The following MCC variants were observed in gnomAD, a reference collection of about 807,000 sequenced individuals.
The protein encoded by MCC is colorectal mutant cancer protein.
In MCC, 90 loss-of-function variants were observed where a neutral mutation model predicts 116.2. That is an observed-to-expected ratio of 0.77 (90% CI 0.65 to 0.92). The LOEUF is 0.92. Ranked by LOEUF, MCC falls within the 40% of genes least tolerant of loss-of-function variation. MCC has a pLI of 0.00. For missense variants in MCC, 1,516 were observed against 1,312.2 expected, an observed-to-expected ratio of 1.16 and a Z score of -2.40; for synonymous variants, 578 against 510.5, an observed-to-expected ratio of 1.13 and a Z score of -1.78.
intron 3 of MCC, among the ~76,000 whole-genome samples, chr5:113,209,085 G>A (rs1316582583): frequency 6.6e-6 from 1 of 152,140 alleles, no homozygotes; most frequent in South Asian, 2.1e-4. Context: ...CACAACCAGA[G>A]TCTTAACAGA....
chr5:113,140,385 C>G (rs1024461305), intron 5 of MCC, among the ~76,000 whole-genome samples: 1 of 152,206 alleles, frequency 6.6e-6, no homozygotes. Flanking sequence ...TTATTTGAAT[C>G]TACCCAAATG....
chr5:113,115,682 G>T (rs1042245337), intron 6 of MCC, among the ~76,000 whole-genome samples: 8 of 151,936 alleles, frequency 5.3e-5, no homozygotes, highest in Admixed American at 6.6e-5. Flanking sequence ...TCCGTCAGTG[G>T]TTTCTGCCAG....
rs2150439518 is a variant in MCC, at chr5:113,488,366, C to CGCT, written c.48_49insAGC (p.Gly16_Gly17insSer). Reference sequence around the variant, plus strand: ...CTGCTGCCGCTGCCGCCGCCGCCGCCGCCGCTGCTGGAGCTCCCCGCAGCC... The same window carrying CGCT: ...CTGCTGCCGCTGCCGCCGCCGCCGCCGCTGCCGCTGCTGGAGCTCCCCGCAGCC... On this transcript the variant is annotated inframe_insertion, in exon 1 of 19. Transcript: ENST00000408903. 1 of 1,520,474 alleles carries CGCT rather than the reference C, an allele frequency of 6.6e-7. No individual in the cohort carries two copies. 94.2% of individuals were successfully genotyped at this position (1,520,474 alleles called of 1,614,324 possible).
chr5:113,468,988 C>G (rs1771998765), intron 1 of MCC, among the ~76,000 whole-genome samples: 1 of 152,176 alleles, frequency 6.6e-6, no homozygotes, highest in South Asian at 2.1e-4. Flanking sequence ...TTATAGTACT[C>G]TCTGATGGTA....
intron 3 of MCC, among the ~76,000 whole-genome samples, chr5:113,221,299 A>G (rs1393819601): frequency 6.6e-6 from 1 of 152,250 alleles, no homozygotes; most frequent in Non-Finnish European, 1.5e-5. Flanking sequence ...TAACTGAGAC[A>G]GTGAAGGAGA....
chr5:113,140,297 C>T (rs571793146), intron 5 of MCC, among the ~76,000 whole-genome samples: 2 of 152,248 alleles, frequency 1.3e-5, no homozygotes, highest in South Asian at 2.1e-4. Flanking sequence ...ATAGGACTTG[C>T]TTTATTAGAT....
At chr5:113,032,879 AAC>A (rs1580881185) in intron 17 of MCC, among the ~76,000 whole-genome samples, 1 of 152,232 alleles carries the variant, frequency 6.6e-6, no homozygotes, top group Admixed American at 6.5e-5. Flanking sequence ...CCAGCGCCAC[AAC>A]AGTTTACAAA....
chr5:113,192,639 A>G (rs573582343), intron 3 of MCC, among the ~76,000 whole-genome samples: 2 of 152,238 alleles, frequency 1.3e-5, no homozygotes, highest in Non-Finnish European at 2.9e-5. Flanking sequence ...TATTATTAAA[A>G]TGGGAGTTAC....
chr5:113,214,975 T>C (rs1035565688), intron 3 of MCC, among the ~76,000 whole-genome samples: 1 of 152,180 alleles, frequency 6.6e-6, no homozygotes, highest in African/African-American at 2.4e-5. Context: ...TGCTCAACCC[T>C]GCCCTTGGGG....
chr5:113,175,944 C>T lies in MCC; in HGVS notation c.628-24522G>A, dbSNP rs139774472. 1.8e-4 allele frequency among the ~76,000 whole-genome samples: 27 copies of T among 152,130 alleles called. No homozygotes were observed. In the East Asian group the frequency reaches 5.2e-3, roughly 29 times the overall value. On this transcript the variant is annotated intron_variant, in intron 3 of 18. Transcript: ENST00000408903. Reference sequence around the variant, plus strand: ...GCCTTAAATATTCCCTTCTTTTCTGCATCCTACCCCCTATGTACTGTACCA... The same window carrying T: ...GCCTTAAATATTCCCTTCTTTTCTGTATCCTACCCCCTATGTACTGTACCA...
In MCC at chr5:113,294,182, A is replaced by T. The variant is rs1467376912; in HGVS notation, c.627+46337T>A. The T allele has an allele frequency of 2.6e-5, 26 of 993,598 alleles. No homozygotes were observed. The Admixed American group carries it at 5.6e-4, about 21-fold the overall frequency. 61.5% of individuals were successfully genotyped at this position (993,598 alleles called of 1,614,324 possible). On this transcript the variant is annotated intron_variant, in intron 3 of 18. Coordinates refer to ENST00000408903, the MANE Select transcript of MCC (RefSeq NM_001085377.2). The stretch of plus-strand genomic sequence containing the variant: ...CACTACAAGTTAAAACAAGATCCAG[A>T]AAATCTACTAATCTTCAATTGCGCT...
chr5:113,383,698 T>C (rs925275824), intron 2 of MCC, among the ~76,000 whole-genome samples: 10 of 152,114 alleles, frequency 6.6e-5, no homozygotes, highest in African/African-American at 2.4e-4. Context: ...AGAAAGTTTG[T>C]ATTTCAATAT....
rs143776601 is a variant in MCC, at chr5:113,049,146, G to A, written c.2602C>T (p.Arg868Trp). 8.4e-5 allele frequency: 136 copies of A among 1,614,096 alleles called. No homozygotes were observed. The highest frequency in any genetic ancestry group is 1.1e-4 in the Non-Finnish European group (126 of 1,180,050). The stretch of plus-strand genomic sequence containing the variant: ...CTGGTGGAGCTGAGGGATCGCATCC[G>A]CTGCTCCTTCTGCTCCTCCACCTCG... ...KSEVEEQKEQ[R>W]MRSLSSTSSG... Residue 868 changes from arginine to tryptophan, a missense_variant, in exon 16 of 19, where the codon CGG becomes TGG. Physicochemically the swap from Arg to Trp is moderately radical, Grantham distance 101 (BLOSUM62 -3). Coordinates refer to ENST00000408903, the MANE Select transcript of MCC (RefSeq NM_001085377.2).
At chr5:113,189,657 T>G (rs1452641511) in intron 3 of MCC, among the ~76,000 whole-genome samples, 1 of 152,086 alleles carries the variant, frequency 6.6e-6, no homozygotes, top group Non-Finnish European at 1.5e-5. Flanking sequence ...CGGATCAAAA[T>G]AAAAACAGAA....
At chr5:113,469,589 T>G (rs898401748) in intron 1 of MCC, among the ~76,000 whole-genome samples, 7 of 152,258 alleles carry the variant, frequency 4.6e-5, no homozygotes, top group East Asian at 3.9e-4. Flanking sequence ...TGCTGAGGAG[T>G]GCTTTACTTC....
intron 3 of MCC, among the ~76,000 whole-genome samples, chr5:113,198,511 A>T (rs73244738): frequency 0.021 from 3,198 of 150,152 alleles, 77 homozygotes; most frequent in African/African-American, 0.062. Context: ...CCTGGGTAAC[A>T]TAGTGAGACT....
At chr5:113,435,383 A>G (rs946762267) in intron 1 of MCC, among the ~76,000 whole-genome samples, 1 of 152,154 alleles carries the variant, frequency 6.6e-6, no homozygotes, top group South Asian at 2.1e-4. Context: ...CTGCATAGAA[A>G]AGGGTGGGAA....
intron 1 of MCC, among the ~76,000 whole-genome samples, chr5:113,448,766 T>C (rs2150419090): frequency 6.6e-6 from 1 of 152,296 alleles, no homozygotes; most frequent in African/African-American, 2.4e-5. Context: ...TATGAAGTCC[T>C]TAGATTTCAA....
intron 5 of MCC, among the ~76,000 whole-genome samples, chr5:113,125,775 T>C (rs1758013501): frequency 6.6e-6 from 1 of 152,184 alleles, no homozygotes; most frequent in Non-Finnish European, 1.5e-5. Context: ...GCCTAGAGGA[T>C]GCCTGGTGAG....
Sources: allele counts gnomAD v4.1 joint callset (sites outside exome capture counted in the v4.1 genomes callset), GRCh38; gene constraint gnomAD v4.1.1; transcripts MANE v1.5; gene names NCBI Gene and HGNC (gene_info 2026-07-23, HGNC 2026-07-21).